Variants in TREH observed in about 807,000 individuals in gnomAD.
TREH encodes trehalase.
TREH carries 69 observed loss-of-function variants against 80.5 expected under a neutral mutation model. The ratio of observed to expected loss-of-function variants is 0.86; its 90% confidence interval spans 0.71 to 1.05. The LOEUF (loss-of-function observed/expected upper bound fraction) is 1.05. Ranked by LOEUF, TREH falls within the 50% of genes least tolerant of loss-of-function variation. TREH has a pLI of 0.00. For missense variants in TREH, 716 were observed against 718.8 expected (o/e 1.00, Z 0.04); for synonymous variants, 309 against 293.5 (o/e 1.05, Z -0.54).
In TREH at chr11:118,659,973, G is replaced by A. The variant is rs1240824767; in HGVS notation, c.1103-9C>T. The A allele has an allele frequency of 9.0e-6, 14 of 1,550,506 alleles. No homozygotes were observed. Among genetic ancestry groups the A allele is most frequent in the Non-Finnish European group, 1.2e-5 (14 of 1,146,890 alleles). On this transcript the variant is annotated splice_polypyrimidine_tract_variant and intron_variant, in intron 10 of 14. Transcript: ENST00000264029. ...GGCCTGGGAGTCGTTCCCTGGGGCA[G>A]TGCTGCCTTTAGAGCCAGCAGCCAG...
intron 13 of TREH, 48 bp downstream of exon 13, chr11:118,658,857 G>A: frequency 6.2e-7 from 1 of 1,609,454 alleles, no homozygotes; most frequent in East Asian, 2.2e-5. Flanking sequence ...GCTCAGGAGT[G>A]GCCACTGGGA....
In TREH at chr11:118,661,646, A is replaced by G. The variant is rs1555145005; in HGVS notation, c.608T>C (p.Leu203Pro). The G allele has an allele frequency of 8.1e-6, 13 of 1,613,900 alleles. No homozygotes were observed. The highest frequency in any genetic ancestry group is 1.0e-5 in the Non-Finnish European group (12 of 1,179,852). The change falls in exon 6 of 15, where the codon CTG becomes CCG. Residue 203 changes from leucine to proline, a missense_variant. By Grantham distance (98) the Leu-to-Pro change is moderately conservative. Coordinates refer to ENST00000264029, the MANE Select transcript of TREH (RefSeq NM_007180.3). The surrounding 1 kb of genome is among the most constrained non-coding windows in gnomAD (Gnocchi z 4.2). The part of the protein sequence containing the change: ...VKGMLQNFLD[L>P]VKTYGHVPNG... The stretch of plus-strand genomic sequence containing the variant: ...GCCTGGCCCCCCTCACGTTTTCACC[A>G]GGTCCAAGAAGTTCTGCAGCATGCC...
rs374744108 is a variant in TREH at position 118,661,873 on chromosome 11, T to C, written c.524+17A>G. On this transcript the variant is annotated intron_variant, in intron 5 of 14. Transcript: ENST00000264029. The surrounding 1 kb of genome is among the most constrained non-coding windows in gnomAD (Gnocchi z 4.2). ...CAGTCCTGCAGGCCCCTTGGTCTCT[T>C]GGGCCTGGGCGCTCACCAGTAGTAG... 4.5e-5 allele frequency: 71 copies of C among 1,561,390 alleles called. No homozygotes were observed. Among genetic ancestry groups the C allele is most frequent in the Non-Finnish European group, 5.9e-5 (68 of 1,152,614 alleles).
chr11:118,673,232 G>A (rs1330571918), intron 1 of TREH, among the ~76,000 whole-genome samples: 3 of 152,174 alleles, frequency 2.0e-5, no homozygotes, highest in African/African-American at 7.2e-5. Context: ...GTTCAAATTG[G>A]TGGAGTATCT....
chr11:118,676,537 G>A (rs373218089), intron 1 of TREH, among the ~76,000 whole-genome samples: 3 of 146,532 alleles, frequency 2.0e-5, no homozygotes, highest in African/African-American at 7.6e-5. Flanking sequence ...GGAGGCCAAG[G>A]TGGGTGGATT....
chr11:118,672,801 A>G (rs1372193487), intron 1 of TREH, among the ~76,000 whole-genome samples: 2 of 152,072 alleles, frequency 1.3e-5, no homozygotes, highest in East Asian at 1.9e-4. Flanking sequence ...ACAGAATATA[A>G]TAACACTAGA....
At chr11:118,672,074 G>T (rs151120307) in intron 1 of TREH, among the ~76,000 whole-genome samples, 1 of 152,122 alleles carries the variant, frequency 6.6e-6, no homozygotes, top group Non-Finnish European at 1.5e-5. Context: ...AGTATACTTC[G>T]ATCAGAAAGA....
intron 1 of TREH, among the ~76,000 whole-genome samples, chr11:118,666,933 A>G: frequency 6.6e-6 from 1 of 151,304 alleles, no homozygotes; most frequent in Non-Finnish European, 1.5e-5. Flanking sequence ...CCCAGGCTGG[A>G]GTACAATGGC....
rs1555144561 is a variant in TREH, at chr11:118,659,966, T to TG, written c.1103-3dup. 3 of 1,550,906 alleles carry TG rather than the reference T, an allele frequency of 1.9e-6. No homozygotes were observed. The highest frequency in any genetic ancestry group is 2.4e-5 in the East Asian group (1 of 40,910). On this transcript the variant is annotated splice_region_variant and splice_polypyrimidine_tract_variant and intron_variant, in intron 10 of 14. Coordinates refer to ENST00000264029, the MANE Select transcript of TREH (RefSeq NM_007180.3). Reference sequence around the variant, plus strand: ...ACTTCGTGGCCTGGGAGTCGTTCCCTGGGGCAGTGCTGCCTTTAGAGCCAG... The same window carrying TG: ...ACTTCGTGGCCTGGGAGTCGTTCCCTGGGGGCAGTGCTGCCTTTAGAGCCAG...
chr11:118,657,700 G>A lies in TREH; in HGVS notation c.*589C>T, dbSNP rs1949193405. 3.2e-5 allele frequency: 5 copies of A among 154,182 alleles called. No individual in the cohort carries two copies. The highest frequency in any genetic ancestry group is 3.2e-4 in the Admixed American group (5 of 15,504). The allele number at this position is 154,182 out of a possible 1,614,324, so 9.6% of individuals were successfully genotyped here. ...GGGAGAGGAAGCTAGAAGGGTTATG[G>A]TTGGAGTTCTGTACAGTGTTGAGTT... On this transcript the variant is annotated 3_prime_UTR_variant, in exon 15 of 15. Coordinates refer to ENST00000264029, the MANE Select transcript of TREH (RefSeq NM_007180.3).
Position 118,663,385 on chromosome 11 carries a change from G to A in TREH, c.144C>T (p.Tyr48=), listed in dbSNP as rs1555145381. ...LLNQVQMAKL[Y]QDDKQFVDMP... is the part of the protein sequence containing the mutation. ...TGTCCACAAACTGCTTGTCATCCTG[G>A]TAGAGCTTGGCCATTTGAACTTGGT... The change falls in exon 2 of 15, where the codon TAC becomes TAT. Residue 48 remains tyrosine, a synonymous_variant. Coordinates refer to ENST00000264029, the MANE Select transcript of TREH (RefSeq NM_007180.3). 1 of 1,597,966 alleles carries A rather than the reference G, an allele frequency of 6.3e-7. No homozygotes were observed. The highest frequency in any genetic ancestry group is 1.7e-5 in the Admixed American group (1 of 57,916).
chr11:118,660,798 C>T (rs1399862866), intron 9 of TREH, 65 bp from the exon 10 acceptor site: 1 of 1,547,224 alleles, frequency 6.5e-7, no homozygotes, highest in Non-Finnish European at 8.8e-7. Context: ...TGACAGGAGA[C>T]CAGAGCCTGA....
At position 118,663,265 on chromosome 11, in the gene TREH, C is replaced by T. The variant is rs1045032672; in HGVS notation, c.191-69G>A. On this transcript the variant is annotated intron_variant, in intron 2 of 14. Transcript: ENST00000264029. ...CCACTCCCTAATCACAGGGGCCTCT[C>T]TACTTGGTCTTGCCCCCTGCCTTCT... 10 of 1,564,606 alleles carry T rather than the reference C, an allele frequency of 6.4e-6. No individual in the cohort carries two copies. In the Admixed American group the frequency reaches 1.7e-4, roughly 27 times the overall value.
chr11:118,669,666 TAGAG>T (rs1390892581), intron 1 of TREH, among the ~76,000 whole-genome samples: 1 of 152,116 alleles, frequency 6.6e-6, no homozygotes, highest in South Asian at 2.1e-4. Context: ...CTCATGGAGA[TAGAG>T]AGTAGAATGA....
intron 1 of TREH, among the ~76,000 whole-genome samples, chr11:118,669,681 C>T (rs1482830834): frequency 5.3e-5 from 8 of 151,972 alleles, no homozygotes; most frequent in East Asian, 1.9e-4. Context: ...AGTAGAATGA[C>T]GATTAGGAGA....
At position 118,661,601 on chromosome 11, in the gene TREH, T is replaced by C; in HGVS notation, c.617+36A>G. 1 of 1,613,602 alleles carries C rather than the reference T, an allele frequency of 6.2e-7. No homozygotes were observed. The highest frequency in any genetic ancestry group is 8.5e-7 in the Non-Finnish European group (1 of 1,179,704). ...ATGCCCGTGGCACACCTGCCTCTCC[T>C]CCCCACCTAGGCTGGAGGTGCCTGG... On this transcript the variant is annotated intron_variant, in intron 6 of 14. Transcript: ENST00000264029. The surrounding 1 kb of genome is among the most constrained non-coding windows in gnomAD (Gnocchi z 4.2).
At chr11:118,672,452 A>G (rs1261357301) in intron 1 of TREH, among the ~76,000 whole-genome samples, 2 of 149,260 alleles carry the variant, frequency 1.3e-5, no homozygotes, top group African/African-American at 4.9e-5. Flanking sequence ...GCTCATGCCT[A>G]TAATCCCAGC....
rs782139980 is a variant in TREH at position 118,662,964 on chromosome 11, G to C, written c.340C>G (p.Gln114Glu). Residue 114 changes from glutamine to glutamate, a missense_variant, in exon 4 of 15, where the codon CAG becomes GAG. Gln to Glu is a conservative substitution (Grantham distance 29, BLOSUM62 2). Transcript: ENST00000264029. Reference protein sequence around the residue: ...WTPADWKDSPQFLQKISDAKL... With the variant: ...WTPADWKDSPEFLQKISDAKL... The stretch of plus-strand genomic sequence containing the variant: ...GCATCTGAAATCTTCTGCAGGAACT[G>C]GGGGCTGAAAGAACACAGGCCCCAC... The C allele has an allele frequency of 6.2e-7, 1 of 1,612,414 alleles. No homozygotes were observed. The highest frequency in any genetic ancestry group is 1.1e-5 in the South Asian group (1 of 90,774).
Position 118,660,657 on chromosome 11 carries a change from A to C in TREH, c.984T>G (p.Ile328Met). 6.2e-7 allele frequency: 1 copy of C among 1,606,158 alleles called. No homozygotes were observed. Among genetic ancestry groups the C allele is most frequent in the Non-Finnish European group, 8.5e-7 (1 of 1,176,288 alleles). Residue 328 changes from isoleucine (I) to methionine (M), a missense_variant, in exon 10 of 15, where the codon ATT becomes ATG. By Grantham distance (10) the Ile-to-Met change is conservative. Transcript: ENST00000264029. ...SGWDFSSRWLIGGPNPNSLSG... is the reference protein window; with the variant it reads ...SGWDFSSRWLMGGPNPNSLSG... ...TAAGCGAGTTGGGGTTTGGGCCTCCAATGAGCCAGCGTGAAGAGAAGTCCC... is the reference window on the plus strand; with the variant it reads ...TAAGCGAGTTGGGGTTTGGGCCTCCCATGAGCCAGCGTGAAGAGAAGTCCC...
Sources: allele counts gnomAD v4.1 joint callset (sites outside exome capture counted in the v4.1 genomes callset), GRCh38; gene constraint gnomAD v4.1.1; non-coding constraint Gnocchi (gnomAD v3.1); transcripts MANE v1.5; gene names NCBI Gene and HGNC (gene_info 2026-07-23, HGNC 2026-07-21).